The following FRMPD4 variants were observed in gnomAD, a reference collection of about 807,000 sequenced individuals.
FRMPD4 encodes the protein FERM and PDZ domain containing 4, also known as FERM and PDZ domain-containing protein 4.
In FRMPD4, 22 loss-of-function variants were observed where a neutral mutation model predicts 94.1. That is an observed-to-expected ratio of 0.23 (90% CI 0.17 to 0.33). The LOEUF (loss-of-function observed/expected upper bound fraction) is 0.33, where lower values mean the gene tolerates loss of function less well. FRMPD4 is among the 10% of genes least tolerant of loss of function. The pLI is 1.00. For missense variants in FRMPD4, 1,111 were observed against 1,339.9 expected, an observed-to-expected ratio of 0.83 and a Z score of 2.67; for synonymous variants, 631 against 548.6, an observed-to-expected ratio of 1.15 and a Z score of -2.10.
chrX:12,611,488 C>T (rs1356098488), intron 3 of FRMPD4, among the ~76,000 whole-genome samples: 2 of 90,709 alleles, frequency 2.2e-5, no homozygotes, highest in Admixed American at 2.3e-4. Flanking sequence ...GTAGTATCTA[C>T]CTTGTAGGGC....
intron 1 of FRMPD4, among the ~76,000 whole-genome samples, chrX:12,203,096 G>A (rs2056649203): frequency 8.9e-6 from 1 of 111,771 alleles, no homozygotes; most frequent in African/African-American, 3.3e-5. Context: ...TCTCCCACTT[G>A]ATGTTCCCCT....
chrX:12,696,602 AAAAAG>A (rs1386858297), intron 9 of FRMPD4, among the ~76,000 whole-genome samples: 1 of 108,414 alleles, frequency 9.2e-6, no homozygotes, highest in Non-Finnish European at 1.9e-5. Context: ...AAAAAAAAAA[AAAAAG>A]ACACACTGTC....
At chrX:12,639,561 G>A (rs190294425) in intron 4 of FRMPD4, among the ~76,000 whole-genome samples, 28 of 111,936 alleles carry the variant, frequency 2.5e-4, no homozygotes, top group Admixed American at 2.4e-3. Flanking sequence ...CATTGTAAAC[G>A]TTGAAAATTT....
At chrX:12,491,910 A>G (rs1457941366) in intron 1 of FRMPD4, among the ~76,000 whole-genome samples, 1 of 111,899 alleles carries the variant, frequency 8.9e-6, no homozygotes, top group Non-Finnish European at 1.9e-5. Context: ...TTCTAGCAGA[A>G]GGAGCTCAAG....
At position 12,529,831 on chromosome X, in the gene FRMPD4, C is replaced by T. The variant is rs146099640; in HGVS notation, c.158+31035C>T. On this transcript the variant is annotated intron_variant, in intron 2 of 16. Coordinates refer to ENST00000675598, the MANE Select transcript of FRMPD4 (RefSeq NM_001368397.1). ...GGCTGGGAAGTTCAAGATCACAACA[C>T]CAGCAAATTCAGTGTCAGCTGAAGG... is the stretch of plus-strand genomic sequence containing the variant. Among the ~76,000 whole-genome samples the T allele has an allele frequency of 4.7e-3, 509 of 108,266 alleles. 6 individuals carry two copies. Among genetic ancestry groups the T allele is most frequent in the African/African-American group, 0.016 (484 of 29,580 alleles). 94.0% of individuals were successfully genotyped at this position (108,266 alleles called of 115,157 possible).
chrX:12,215,978 C>T (rs988852534), intron 1 of FRMPD4, among the ~76,000 whole-genome samples: 6 of 112,378 alleles, frequency 5.3e-5, no homozygotes, highest in South Asian at 3.7e-4. Context: ...GTGACCAAGA[C>T]CACATGGCTT....
At chrX:12,445,639 T>A (rs781185074) in intron 1 of FRMPD4, among the ~76,000 whole-genome samples, 2 of 112,544 alleles carry the variant, frequency 1.8e-5, no homozygotes, top group Admixed American at 9.4e-5. Flanking sequence ...CAAAAGAGGT[T>A]AAGTAATGCA....
At chrX:12,363,893 T>C (rs775670698) in intron 1 of FRMPD4, among the ~76,000 whole-genome samples, 2 of 111,333 alleles carry the variant, frequency 1.8e-5, no homozygotes, top group Non-Finnish European at 3.8e-5. Flanking sequence ...GTTAGCACCA[T>C]GTGGTTAGAA....
intron 3 of FRMPD4, among the ~76,000 whole-genome samples, chrX:11,991,884 G>A (rs1175941044): frequency 8.9e-6 from 1 of 112,200 alleles, no homozygotes; most frequent in Admixed American, 9.4e-5. Context: ...ACGTATCTTA[G>A]TTGATATGCA....
At chrX:11,983,382 A>G (rs2054407491) in intron 3 of FRMPD4, among the ~76,000 whole-genome samples, 1 of 111,626 alleles carries the variant, frequency 9.0e-6, no homozygotes, top group Non-Finnish European at 1.9e-5. Context: ...TTACTGTACC[A>G]CCACAGAATT....
chrX:12,525,284 C>G (rs747062342), intron 2 of FRMPD4, among the ~76,000 whole-genome samples: 1 of 111,602 alleles, frequency 9.0e-6, no homozygotes. Flanking sequence ...GAAGTTTAGG[C>G]ACAACTGACC....
At chrX:12,207,988 A>G (rs981329300) in intron 1 of FRMPD4, among the ~76,000 whole-genome samples, 2 of 111,723 alleles carry the variant, frequency 1.8e-5, no homozygotes, top group Non-Finnish European at 1.9e-5. Flanking sequence ...TGGAACCCAG[A>G]GTAGCTATGC....
intron 3 of FRMPD4, among the ~76,000 whole-genome samples, chrX:12,072,407 G>A (rs1005894764): frequency 5.4e-5 from 6 of 111,374 alleles, no homozygotes; most frequent in Non-Finnish European, 7.5e-5. Context: ...CATTTGTATC[G>A]GGTTACAGCA....
chrX:12,233,796 G>A (rs2057039283), intron 1 of FRMPD4, among the ~76,000 whole-genome samples: 1 of 110,827 alleles, frequency 9.0e-6, no homozygotes, highest in African/African-American at 3.3e-5. Flanking sequence ...CATGGGCCAT[G>A]TAAACAAGGC....
intron 3 of FRMPD4, among the ~76,000 whole-genome samples, chrX:11,952,514 A>G (rs1000675415): frequency 1.8e-5 from 2 of 112,470 alleles, no homozygotes; most frequent in East Asian, 5.6e-4. Flanking sequence ...AATCTGCGAA[A>G]GGCAGTGGGA....
At chrX:12,039,030 G>T (rs2054735774) in intron 3 of FRMPD4, among the ~76,000 whole-genome samples, 1 of 108,534 alleles carries the variant, frequency 9.2e-6, no homozygotes, top group Non-Finnish European at 1.9e-5. Flanking sequence ...AGGCTGCAGT[G>T]CAGTGACATG....
chrX:11,880,997 A>G (rs771021516), intron 3 of FRMPD4, among the ~76,000 whole-genome samples: 7 of 112,519 alleles, frequency 6.2e-5, no homozygotes, highest in Admixed American at 5.6e-4. Context: ...AGATGAGTGT[A>G]TTTCAGTTCA....
chrX:11,975,445 C>T (rs1042884727), intron 3 of FRMPD4, among the ~76,000 whole-genome samples: 12 of 112,266 alleles, frequency 1.1e-4, no homozygotes, highest in African/African-American at 3.9e-4. Context: ...TGTAGAACAT[C>T]TAGCACAAGA....
chrX:12,171,945 A>G (rs2056233448), intron 1 of FRMPD4, among the ~76,000 whole-genome samples: 1 of 110,864 alleles, frequency 9.0e-6, no homozygotes, highest in South Asian at 3.9e-4. Context: ...ACAAATCCTG[A>G]TGCTGGTTAC....
Sources: gnomAD v4.1 joint callset for allele counts (sites outside exome capture counted in the v4.1 genomes callset) on GRCh38, gnomAD v4.1.1 for gene constraint, MANE v1.5 for transcripts, NCBI Gene and HGNC (gene_info 2026-07-23, HGNC 2026-07-21) for gene names.